Variants in ASTN2 observed in about 807,000 individuals in gnomAD.
ASTN2 encodes astrotactin 2, also known as astrotactin-2.
In ASTN2, 54 loss-of-function variants were observed where a neutral mutation model predicts 139.8. The ratio of observed to expected loss-of-function variants is 0.39; its 90% CI spans 0.31 to 0.48. The LOEUF (loss-of-function observed/expected upper bound fraction) is 0.48, where lower values mean the gene tolerates loss of function less well. ASTN2 is among the 20% of genes least tolerant of loss of function. The pLI, the probability that ASTN2 is intolerant of heterozygous loss-of-function variation, is 0.95. For synonymous variants in ASTN2, 756 were observed against 719.5 expected, an observed-to-expected ratio of 1.05 and a Z score of -0.81; for missense variants, 1,565 against 1,725.1, an observed-to-expected ratio of 0.91 and a Z score of 1.64.
chr9:116,499,086 C>G (rs918453699), intron 19 of ASTN2, among the ~76,000 whole-genome samples: 1 of 152,166 alleles, frequency 6.6e-6, no homozygotes, highest in East Asian at 1.9e-4. Flanking sequence ...AATGCAAATC[C>G]AAACTGCCCA....
chr9:117,397,807 C>T (rs1212260539), intron 1 of ASTN2, among the ~76,000 whole-genome samples: 1 of 152,110 alleles, frequency 6.6e-6, no homozygotes, highest in Non-Finnish European at 1.5e-5. Flanking sequence ...GTTAGCCCTC[C>T]CCTGAATAGT....
chr9:116,698,625 G>T lies in ASTN2; in HGVS notation c.2806+27146C>A, dbSNP rs1554732997. ...TGGCCCCCTCCAAATTGGACAAGCT[G>T]TTAAGAAGCCCCGGACAGTTAACGT... On this transcript the variant is annotated intron_variant, in intron 16 of 22. Coordinates refer to ENST00000313400, the MANE Select transcript of ASTN2 (RefSeq NM_001365068.1). This position sits in a 1 kb window ranked among gnomAD's most constrained non-coding sequence, Gnocchi z 4.4. 1 of 1,614,146 alleles carries T rather than the reference G, an allele frequency of 6.2e-7. No homozygotes were observed.
At chr9:117,185,922 G>A (rs529580719) in intron 3 of ASTN2, among the ~76,000 whole-genome samples, 62 of 152,266 alleles carry the variant, frequency 4.1e-4, no homozygotes, top group African/African-American at 1.4e-3. Flanking sequence ...TCTCCATGAA[G>A]CCTGAGACTG....
At chr9:117,016,728 A>T (rs868214356) in intron 6 of ASTN2, among the ~76,000 whole-genome samples, 5 of 29,942 alleles carry the variant, frequency 1.7e-4, no homozygotes, top group Admixed American at 4.7e-4. Context: ...TATATATGTT[A>T]TATATATAGG....
At chr9:116,637,485 AT>A (rs1275488279) in intron 17 of ASTN2, among the ~76,000 whole-genome samples, 7 of 152,186 alleles carry the variant, frequency 4.6e-5, no homozygotes, top group African/African-American at 1.4e-4. Flanking sequence ...GGCATACAGT[AT>A]TTTTTTGAGA....
intron 13 of ASTN2, among the ~76,000 whole-genome samples, chr9:116,780,621 C>T (rs1210254759): frequency 6.6e-6 from 1 of 152,134 alleles, no homozygotes; most frequent in African/African-American, 2.4e-5. Flanking sequence ...TAGGATTGAG[C>T]ACCAGACAGC....
chr9:116,978,127 T>C (rs1364582761), intron 7 of ASTN2, among the ~76,000 whole-genome samples: 1 of 152,200 alleles, frequency 6.6e-6, no homozygotes, highest in African/African-American at 2.4e-5. Context: ...TGTGTTTGGG[T>C]AATACCACCC....
rs886063386 is a variant in ASTN2, at chr9:116,700,911, A to G, written c.2806+24860T>C. ...GCCAAAAGCACTATTATGTAAAGAT[A>G]ATAATCCAAATCTTTCTCCCAAATA... On this transcript the variant is annotated intron_variant, in intron 16 of 22. Coordinates refer to ENST00000313400, the MANE Select transcript of ASTN2 (RefSeq NM_001365068.1). 2 of 167,164 alleles carry G rather than the reference A, an allele frequency of 1.2e-5. No individual in the cohort carries two copies. Among genetic ancestry groups the G allele is most frequent in the South Asian group, 4.1e-4 (2 of 4,828 alleles). 10.4% of individuals were successfully genotyped at this position (167,164 alleles called of 1,614,324 possible).
chr9:117,075,726 A>G (rs1828264452), intron 5 of ASTN2, among the ~76,000 whole-genome samples: 1 of 152,142 alleles, frequency 6.6e-6, no homozygotes, highest in Non-Finnish European at 1.5e-5. Flanking sequence ...TGAGGTAAAA[A>G]TTACAACTTA....
rs1369324248 is a variant in ASTN2 at position 116,978,493 on chromosome 9, A to ACG, written c.1592-1710_1592-1709dup. Among the ~76,000 whole-genome samples, 91 of 123,304 alleles carry ACG rather than the reference A, an allele frequency of 7.4e-4. 1 individual carries two copies. The highest frequency in any genetic ancestry group is 2.0e-3 in the African/African-American group (55 of 28,178). 80.9% of individuals were successfully genotyped at this position (123,304 alleles called of 152,430 possible). ...GTATCTCTCTCTCTCTCTCTCTCTC[A>ACG]CGCACACACACACACACACACACAC... On this transcript the variant is annotated intron_variant, in intron 7 of 22. Coordinates refer to ENST00000313400, the MANE Select transcript of ASTN2 (RefSeq NM_001365068.1).
At chr9:117,272,054 C>T (rs559441500) in intron 2 of ASTN2, among the ~76,000 whole-genome samples, 154 of 152,352 alleles carry the variant, frequency 1.0e-3, no homozygotes, top group African/African-American at 3.2e-3. Context: ...TCCACACTCC[C>T]ATAGCAGAGG....
At chr9:116,514,978 C>T (rs147690617) in intron 19 of ASTN2, among the ~76,000 whole-genome samples, 1,732 of 152,172 alleles carry the variant, frequency 0.011, 45 homozygotes, top group African/African-American at 0.04. Flanking sequence ...CTTTGGCTCA[C>T]GCTTGGTGTG....
chr9:116,888,003 C>T lies in ASTN2; in HGVS notation c.1890-24270G>A, dbSNP rs145378768. Among the ~76,000 whole-genome samples, 644 of 152,202 alleles carry T rather than the reference C, an allele frequency of 4.2e-3. 4 individuals carry two copies. Among genetic ancestry groups the T allele is most frequent in the Non-Finnish European group, 2.6e-3 (179 of 68,018 alleles). ...TTACATCTTAAAGGATAAATCTGAT[C>T]GATTCATTCAGGTAAAATTTCGTAT... On this transcript the variant is annotated intron_variant, in intron 10 of 22. Transcript: ENST00000313400.
chr9:116,463,704 T>A (rs565114796), intron 20 of ASTN2, among the ~76,000 whole-genome samples: 1 of 152,284 alleles, frequency 6.6e-6, no homozygotes, highest in South Asian at 2.1e-4. Flanking sequence ...CTTTTCTTAG[T>A]GTCTTGCAAA....
chr9:117,377,799 T>C (rs999545197), intron 1 of ASTN2, among the ~76,000 whole-genome samples: 6 of 152,172 alleles, frequency 3.9e-5, no homozygotes, highest in Non-Finnish European at 7.4e-5. Flanking sequence ...ATTCTAATGT[T>C]GAAAGATTTC....
chr9:117,064,720 G>A (rs1228729743), intron 5 of ASTN2, among the ~76,000 whole-genome samples: 1 of 151,984 alleles, frequency 6.6e-6, no homozygotes, highest in Non-Finnish European at 1.5e-5. Flanking sequence ...TCCAGGTGAT[G>A]CATACACTAA....
At chr9:117,290,628 T>C (rs1834565355) in intron 2 of ASTN2, among the ~76,000 whole-genome samples, 1 of 152,196 alleles carries the variant, frequency 6.6e-6, no homozygotes, top group Non-Finnish European at 1.5e-5. Flanking sequence ...TAACAAATGG[T>C]AGATACTCAA....
intron 2 of ASTN2, among the ~76,000 whole-genome samples, chr9:117,217,198 T>G (rs1292945726): frequency 1.3e-5 from 2 of 152,200 alleles, no homozygotes; most frequent in African/African-American, 4.8e-5. Flanking sequence ...AGCCTCCAGA[T>G]GTGCAATGGG....
At chr9:117,004,354 C>T (rs1454375046) in intron 7 of ASTN2, among the ~76,000 whole-genome samples, 7 of 152,100 alleles carry the variant, frequency 4.6e-5, no homozygotes, top group African/African-American at 1.4e-4. Context: ...CTCCTGGGCT[C>T]AAGCGATCCA....
Sources: gnomAD v4.1 joint callset for allele counts (sites outside exome capture counted in the v4.1 genomes callset) on GRCh38, gnomAD v4.1.1 for gene constraint, Gnocchi (gnomAD v3.1) non-coding constraint, MANE v1.5 for transcripts, NCBI Gene and HGNC (gene_info 2026-07-23, HGNC 2026-07-21) for gene names.